The following MEGF11 variants were observed in gnomAD, a reference collection of about 807,000 sequenced individuals.
MEGF11 encodes the protein multiple EGF like domains 11, also known as multiple epidermal growth factor-like domains protein 11.
A neutral mutation model predicts 146.6 loss-of-function variants in MEGF11; 126 were observed. The observed-to-expected ratio is 0.86, with a 90% confidence interval of 0.74 to 1.00. The LOEUF is 1.00. Ranked by LOEUF, MEGF11 falls within the 50% of genes least tolerant of loss-of-function variation. The pLI is 0.00. For missense variants in MEGF11, 1,509 were observed against 1,521.2 expected (o/e 0.99, Z 0.13); for synonymous variants, 532 against 583.4 (o/e 0.91, Z 1.27).
intron 15 of MEGF11, among the ~76,000 whole-genome samples, chr15:65,919,539 A>C (rs189496855): frequency 1.7e-3 from 248 of 145,738 alleles, no homozygotes; most frequent in Non-Finnish European, 2.9e-3. Flanking sequence ...ACTTTATTGC[A>C]AAAAAAAAAT....
rs926271208 is a variant in MEGF11 at position 65,922,422 on chromosome 15, A to G, written c.1873T>C (p.Cys625Arg). ...TGGCAGGGCCTGCTGCTGTGCACGC[A>G]GAGGGGGCATGGCTGGGCGCAGCCG... ...GHGCAQPCPL[C>R]VHSSRPCHHI... Residue 625 changes from cysteine (C) to arginine (R), a missense_variant, in exon 15 of 26, where the codon TGC (cysteine) becomes CGC (arginine). Coordinates refer to ENST00000395614, the MANE Select transcript of MEGF11 (RefSeq NM_001385028.1). The G allele has an allele frequency of 6.3e-6, 10 of 1,591,470 alleles. No individual in the cohort carries two copies. In the African/African-American group the frequency reaches 9.4e-5, roughly 15 times the overall value.
chr15:66,208,313 G>GA (rs2091354107), intron 1 of MEGF11, among the ~76,000 whole-genome samples: 1 of 151,888 alleles, frequency 6.6e-6, no homozygotes. Flanking sequence ...TGTATATAAT[G>GA]AAATACCTAG....
chr15:66,119,256 T>G lies in MEGF11; in HGVS notation c.201-70A>C, dbSNP rs2087894981. 4.5e-6 allele frequency: 5 copies of G among 1,113,676 alleles called. No individual in the cohort carries two copies. The Admixed American group carries it at 1.0e-4, about 23-fold the overall frequency. 69.0% of individuals were successfully genotyped at this position (1,113,676 alleles called of 1,614,324 possible). On this transcript the variant is annotated intron_variant, in intron 3 of 25. Coordinates refer to ENST00000395614, the MANE Select transcript of MEGF11 (RefSeq NM_001385028.1). ...TCACTCCCATTTAGAATGATATTTG[T>G]GTTAAGCTATATTGAGGATGCCATT...
At chr15:66,128,495 G>C (rs1315562542) in intron 1 of MEGF11, 84 bp from the exon 2 acceptor site, 2 of 718,626 alleles carry the variant, frequency 2.8e-6, no homozygotes, top group East Asian at 6.7e-5. Flanking sequence ...CGTGGGTAAT[G>C]AGCATTTGAT....
intron 1 of MEGF11, among the ~76,000 whole-genome samples, chr15:66,185,458 C>A (rs1264642180): frequency 6.6e-6 from 1 of 151,880 alleles, no homozygotes; most frequent in Non-Finnish European, 1.5e-5. Flanking sequence ...ATAATCATTT[C>A]CTTTTTGGGC....
Position 65,898,741 on chromosome 15 carries a change from A to G in MEGF11, c.3249T>C (p.Asn1083=), listed in dbSNP as rs749184741. 6.8e-6 allele frequency: 11 copies of G among 1,613,662 alleles called. No individual in the cohort carries two copies. In the South Asian group the frequency reaches 1.2e-4, roughly 18 times the overall value. The change falls in exon 25 of 26, where the codon AAT becomes AAC. Residue 1083 remains asparagine, a synonymous_variant. Transcript: ENST00000395614. ...DVPSLSTSNK[N]IYEVEPTVSV... is the part of the protein sequence containing the mutation. Reference sequence around the variant, plus strand: ...TGAGACACCTACCAACTTCATATATATTTTTATTAGATGTCGACAAGGATG... The same window carrying G: ...TGAGACACCTACCAACTTCATATATGTTTTTATTAGATGTCGACAAGGATG...
At chr15:66,028,015 C>T (rs1200992463) in intron 5 of MEGF11, among the ~76,000 whole-genome samples, 3 of 152,218 alleles carry the variant, frequency 2.0e-5, no homozygotes, top group Admixed American at 2.0e-4. Flanking sequence ...CACACAGATG[C>T]AAGGTGCTCT....
intron 21 of MEGF11, among the ~76,000 whole-genome samples, chr15:65,911,814 T>C (rs530418662): frequency 3.5e-4 from 53 of 152,310 alleles, no homozygotes; most frequent in Non-Finnish European, 7.2e-4. Flanking sequence ...TTGGTACCAG[T>C]TGGTTACACA....
At chr15:66,012,065 TAA>T (rs11333434) in intron 5 of MEGF11, among the ~76,000 whole-genome samples, 186 of 148,002 alleles carry the variant, frequency 1.3e-3, no homozygotes, top group South Asian at 1.9e-3. Flanking sequence ...CCCCATCTCT[TAA>T]AAAAAAAAAA....
chr15:66,150,002 C>T (rs571503468), intron 1 of MEGF11, among the ~76,000 whole-genome samples: 6 of 152,314 alleles, frequency 3.9e-5, no homozygotes, highest in African/African-American at 1.4e-4. Flanking sequence ...TCGAGCTGTC[C>T]GTTAACAGCA....
intron 24 of MEGF11, among the ~76,000 whole-genome samples, chr15:65,903,031 G>C (rs559517306): frequency 1.4e-4 from 22 of 152,236 alleles, no homozygotes; most frequent in Non-Finnish European, 2.8e-4. Context: ...ACTATTAATA[G>C]AAGGCCACAC....
chr15:66,084,025 C>T (rs769222786), intron 5 of MEGF11, among the ~76,000 whole-genome samples: 7 of 152,134 alleles, frequency 4.6e-5, no homozygotes, highest in Non-Finnish European at 7.3e-5. Context: ...GTTGCTTAAC[C>T]ATAGGGATAT....
At chr15:66,063,544 C>A (rs1450937977) in intron 5 of MEGF11, among the ~76,000 whole-genome samples, 1 of 152,204 alleles carries the variant, frequency 6.6e-6, no homozygotes, top group African/African-American at 2.4e-5. Flanking sequence ...GTTCCAGCCC[C>A]AAACCATGCT....
intron 1 of MEGF11, among the ~76,000 whole-genome samples, chr15:66,152,016 C>T (rs1024890067): frequency 7.9e-5 from 12 of 152,266 alleles, no homozygotes; most frequent in Admixed American, 3.9e-4. Flanking sequence ...CCCCTCCCAC[C>T]TGCCCAGCTC....
At chr15:66,106,495 G>A (rs555756999) in intron 4 of MEGF11, among the ~76,000 whole-genome samples, 34 of 152,154 alleles carry the variant, frequency 2.2e-4, no homozygotes, top group African/African-American at 6.5e-4. Flanking sequence ...TTTACATACC[G>A]TCACTTACTT....
intron 10 of MEGF11, among the ~76,000 whole-genome samples, chr15:65,938,052 C>T (rs568418809): frequency 1.1e-4 from 16 of 152,192 alleles, no homozygotes; most frequent in South Asian, 2.1e-4. Flanking sequence ...GGGCCAAAGA[C>T]GGGGAGCCCT....
intron 10 of MEGF11, among the ~76,000 whole-genome samples, chr15:65,951,087 CAT>C (rs2080385504): frequency 6.6e-6 from 1 of 152,140 alleles, no homozygotes; most frequent in Non-Finnish European, 1.5e-5. Flanking sequence ...TAGAGGGAAA[CAT>C]GTTATTGTCC....
chr15:66,146,708 C>T (rs2089385993), intron 1 of MEGF11, among the ~76,000 whole-genome samples: 1 of 152,274 alleles, frequency 6.6e-6, no homozygotes, highest in Admixed American at 6.5e-5. Context: ...CCCGATCTCA[C>T]TGTGGACAGC....
chr15:66,109,761 T>G (rs4776730), intron 4 of MEGF11, among the ~76,000 whole-genome samples: 1 of 151,994 alleles, frequency 6.6e-6, no homozygotes, highest in Non-Finnish European at 1.5e-5. Context: ...AAGGGGTCTT[T>G]CTTGACCCCC....
Sources: allele counts gnomAD v4.1 joint callset (sites outside exome capture counted in the v4.1 genomes callset), GRCh38; gene constraint gnomAD v4.1.1; transcripts MANE v1.5; gene names NCBI Gene and HGNC (gene_info 2026-07-23, HGNC 2026-07-21).